Variants in TBCEL observed in about 807,000 individuals in gnomAD.
TBCEL encodes tubulin-specific chaperone cofactor E-like protein.
Under a neutral mutation model 44.2 loss-of-function variants are expected in TBCEL, and 15 were observed. The observed-to-expected ratio is 0.34, with a 90% CI of 0.23 to 0.52. TBCEL has a LOEUF of 0.52. Among genes scored for constraint, TBCEL ranks in the 20% least tolerant of loss-of-function variants. The pLI, the probability that TBCEL is intolerant of heterozygous loss-of-function variation, is 0.95. For synonymous variants in TBCEL, 171 were observed against 185.4 expected (o/e 0.92, Z 0.63); for missense variants, 319 against 506.3 (o/e 0.63, Z 3.55).
At chr11:121,036,246 C>G (rs575193424) in intron 1 of TBCEL, 1 of 152,222 alleles carries the variant, frequency 6.6e-6, no homozygotes, top group South Asian at 2.1e-4. Context: ...TGTATCTGAT[C>G]CTGCTTTGAA....
rs142272107 is a variant in TBCEL at position 121,058,970 on chromosome 11, G to T, written c.839+499G>T. Among the ~76,000 whole-genome samples the T allele has an allele frequency of 9.5e-4, 144 of 152,020 alleles. 1 individual carries two copies. Among genetic ancestry groups the T allele is most frequent in the East Asian group, 8.9e-3 (46 of 5,172 alleles). On this transcript the variant is annotated intron_variant, in intron 7 of 8. Transcript: ENST00000683345. ...CTGTCTGACTCCCCTTGCCTTTTGTGTCTCAGCCTCTGCCTCCACATACTC... is the reference window on the plus strand; with the variant it reads ...CTGTCTGACTCCCCTTGCCTTTTGTTTCTCAGCCTCTGCCTCCACATACTC...
At chr11:121,029,346 T>G (rs528140170) in intron 1 of TBCEL, among the ~76,000 whole-genome samples, 75 of 152,356 alleles carry the variant, frequency 4.9e-4, no homozygotes, top group African/African-American at 1.7e-3. Context: ...CTCCTCCATT[T>G]GTCTGGACGT....
chr11:121,082,697 T>G (rs1353446867), intron 8 of TBCEL, among the ~76,000 whole-genome samples: 1 of 152,202 alleles, frequency 6.6e-6, no homozygotes, highest in Non-Finnish European at 1.5e-5. Context: ...AGGGATTTCA[T>G]ACAGTGAATA....
intron 8 of TBCEL, among the ~76,000 whole-genome samples, chr11:121,078,418 C>G (rs1385493451): frequency 6.6e-6 from 1 of 152,154 alleles, no homozygotes; most frequent in Non-Finnish European, 1.5e-5. Flanking sequence ...TGGTCCAGAA[C>G]CAGCTCTTAT....
In TBCEL at chr11:121,090,376, G is replaced by A. The variant is rs1367360524; in HGVS notation, c.*3280G>A. The A allele has an allele frequency of 6.6e-6, 1 of 151,974 alleles. No homozygotes were observed. The highest frequency in any genetic ancestry group is 2.4e-5 in the African/African-American group (1 of 41,360). 9.4% of individuals were successfully genotyped at this position (151,974 alleles called of 1,614,324 possible). On this transcript the variant is annotated 3_prime_UTR_variant, in exon 9 of 9. Coordinates refer to ENST00000683345, the MANE Select transcript of TBCEL (RefSeq NM_001363644.2). ...GCTACATGAAAATGCTAGGCTCTAG[G>A]GCATGTAAAACATGAATACAGAATA...
chr11:121,060,765 C>G (rs910994088), intron 8 of TBCEL, among the ~76,000 whole-genome samples: 8 of 151,730 alleles, frequency 5.3e-5, no homozygotes, highest in Non-Finnish European at 8.8e-5. Flanking sequence ...TAACTAGAAT[C>G]GGTTATTGGA....
intron 8 of TBCEL, among the ~76,000 whole-genome samples, chr11:121,080,418 A>G (rs1946104836): frequency 6.6e-6 from 1 of 152,168 alleles, no homozygotes. Context: ...TTATGATCCC[A>G]TTGTTGCGTA....
chr11:121,064,160 G>A (rs1458547123), intron 8 of TBCEL, among the ~76,000 whole-genome samples: 1 of 152,122 alleles, frequency 6.6e-6, no homozygotes, highest in Admixed American at 6.5e-5. Context: ...GCTAAACCTA[G>A]GAATATGAAA....
chr11:121,067,436 A>C (rs1483311905), intron 8 of TBCEL, among the ~76,000 whole-genome samples: 1 of 152,228 alleles, frequency 6.6e-6, no homozygotes, highest in Non-Finnish European at 1.5e-5. Flanking sequence ...TTGCCTTCTG[A>C]TAGGTAGAGC....
chr11:121,047,684 G>C lies in TBCEL; in HGVS notation c.273+17G>C, dbSNP rs762256457. ...TGGCATGAGGTGAAGTTTTTATATT[G>C]CTACATTTTAGTGAAAAGCAGCAAT... On this transcript the variant is annotated intron_variant, in intron 4 of 8. Coordinates refer to ENST00000683345, the MANE Select transcript of TBCEL (RefSeq NM_001363644.2). 1.0e-4 allele frequency: 167 copies of C among 1,610,812 alleles called. 1 individual carries two copies. Among genetic ancestry groups the C allele is most frequent in the Non-Finnish European group, 1.3e-4 (159 of 1,178,280 alleles).
Position 121,036,561 on chromosome 11 carries a change from G to A in TBCEL, c.-69G>A, listed in dbSNP as rs974350566. Reference sequence around the variant, plus strand: ...GGTTTAAACCAACATTTTTGGACGAGGAGAGGCTATGGAAATGAAGAAAGA... The same window carrying A: ...GGTTTAAACCAACATTTTTGGACGAAGAGAGGCTATGGAAATGAAGAAAGA... On this transcript the variant is annotated 5_prime_UTR_variant, in exon 2 of 9. Coordinates refer to ENST00000683345, the MANE Select transcript of TBCEL (RefSeq NM_001363644.2). 6.6e-6 allele frequency: 1 copy of A among 152,152 alleles called. No homozygotes were observed. Among genetic ancestry groups the A allele is most frequent in the Non-Finnish European group, 1.5e-5 (1 of 68,034 alleles). 9.4% of individuals were successfully genotyped at this position (152,152 alleles called of 1,614,324 possible).
rs1370238915 is a variant in TBCEL at position 121,045,811 on chromosome 11, T to C, written c.121T>C (p.Ser41Pro). The C allele has an allele frequency of 2.5e-6, 4 of 1,591,660 alleles. No individual in the cohort carries two copies. The highest frequency in any genetic ancestry group is 3.4e-6 in the Non-Finnish European group (4 of 1,173,180). ...GVHVPATPQG[S>P]PMKDRLNLPS... ...CCATGTCCCAGCCACACCTCAGGGC[T>C]CTCCTATGAAAGGTAAGAAAGATGG... The change falls in exon 3 of 9, where the codon TCT becomes CCT. Residue 41 changes from serine to proline, a missense_variant. Ser to Pro is a moderately conservative substitution (Grantham distance 74). Coordinates refer to ENST00000683345, the MANE Select transcript of TBCEL (RefSeq NM_001363644.2).
chr11:121,024,463 C>T (rs1415261336), intron 1 of TBCEL, among the ~76,000 whole-genome samples, 172 bp downstream of exon 1: 1 of 146,204 alleles, frequency 6.8e-6, no homozygotes, highest in Non-Finnish European at 1.5e-5. Context: ...GGAGACCTGC[C>T]CTGGGGCTAG....
At chr11:121,086,713 G>T in intron 8 of TBCEL, 65 bp from the exon 9 acceptor site, 3 of 1,194,112 alleles carry the variant, frequency 2.5e-6, no homozygotes, top group East Asian at 4.8e-5. Flanking sequence ...ATCTGTAGTT[G>T]GGAAGAAGTC....
chr11:121,081,496 A>C (rs1357963672), intron 8 of TBCEL, among the ~76,000 whole-genome samples: 1 of 152,240 alleles, frequency 6.6e-6, no homozygotes, highest in East Asian at 1.9e-4. Context: ...ATAAATCAAA[A>C]TCATTAATTT....
At chr11:121,067,153 G>A (rs1300804177) in intron 8 of TBCEL, among the ~76,000 whole-genome samples, 1 of 152,184 alleles carries the variant, frequency 6.6e-6, no homozygotes, top group African/African-American at 2.4e-5. Context: ...CCGACATGAT[G>A]AGCCGAATGT....
chr11:121,059,479 T>A (rs1351895810), intron 7 of TBCEL, among the ~76,000 whole-genome samples: 1 of 151,906 alleles, frequency 6.6e-6, no homozygotes, highest in Non-Finnish European at 1.5e-5. Flanking sequence ...AAATGTGCTA[T>A]AAGGGTAAAA....
chr11:121,032,910 C>T (rs1945169105), intron 1 of TBCEL, among the ~76,000 whole-genome samples: 1 of 152,098 alleles, frequency 6.6e-6, no homozygotes, highest in African/African-American at 2.4e-5. Context: ...GTAACAAGTA[C>T]CTTTTGGCAA....
At chr11:121,086,047 GATC>G (rs1946210627) in intron 8 of TBCEL, among the ~76,000 whole-genome samples, 1 of 152,008 alleles carries the variant, frequency 6.6e-6, no homozygotes, top group Non-Finnish European at 1.5e-5. Flanking sequence ...GATAAAATCA[GATC>G]TAGATCCTCC....
Sources: gnomAD v4.1 joint callset for allele counts (sites outside exome capture counted in the v4.1 genomes callset) on GRCh38, gnomAD v4.1.1 for gene constraint, MANE v1.5 for transcripts, NCBI Gene and HGNC (gene_info 2026-07-23, HGNC 2026-07-21) for gene names.